Variants in SCN10A observed in about 807,000 individuals in gnomAD.
The protein encoded by SCN10A is sodium channel protein type 10 subunit alpha.
A neutral mutation model predicts 170.7 loss-of-function variants in SCN10A; 162 were observed. The ratio of observed to expected loss-of-function variants is 0.95; its 90% CI spans 0.84 to 1.08. The LOEUF is 1.08. Among genes scored for constraint, SCN10A ranks in the 50% least tolerant of loss-of-function variants. SCN10A has a pLI of 0.00. For synonymous variants in SCN10A, 985 were observed against 904.6 expected (o/e 1.09, Z -1.59); for missense variants, 2,527 against 2,436.9 (o/e 1.04, Z -0.78).
At position 38,707,278 on chromosome 3, in the gene SCN10A, C is replaced by G. The variant is rs767087921; in HGVS notation, c.4386+1G>C. On this transcript the variant is annotated splice_donor_variant, in intron 26 of 27. Transcript: ENST00000449082. LOFTEE classifies it high-confidence loss of function. ...TGCTAGAGGAAACCTCTGGGGCTCA[C>G]CAGGGGCCGTGGGATGGGCTTCTGG... The G allele has an allele frequency of 1.2e-5, 19 of 1,613,772 alleles. No homozygotes were observed. The highest frequency in any genetic ancestry group is 1.7e-5 in the Admixed American group (1 of 60,016).
intron 5 of SCN10A, among the ~76,000 whole-genome samples, chr3:38,767,616 T>C (rs975406261): frequency 6.6e-6 from 1 of 152,152 alleles, no homozygotes; most frequent in African/African-American, 2.4e-5. Context: ...CTGACATAAT[T>C]TCTATTTTCT....
At chr3:38,728,511 G>A (rs746970730) in intron 16 of SCN10A, 31 bp downstream of exon 16, 29 of 1,527,868 alleles carry the variant, frequency 1.9e-5, no homozygotes, top group Non-Finnish European at 2.5e-5. Context: ...TTCCCCAGGA[G>A]ACAGTGCCCC....
Position 38,792,131 on chromosome 3 carries a change from C to T in SCN10A, c.308G>A (p.Arg103Gln), listed in dbSNP as rs199973777. Residue 103 changes from arginine to glutamine, a missense_variant, in exon 3 of 28, where the codon CGG becomes CAG. Arg to Gln is a conservative substitution (Grantham distance 43). Transcript: ENST00000449082. Reference sequence around the variant, plus strand: ...CCACAGGGCCCGAGTGGCACTAAACCGGGAAATGGTCCTCCCTTTGTTCAG... The same window carrying T: ...CCACAGGGCCCGAGTGGCACTAAACTGGGAAATGGTCCTCCCTTTGTTCAG... ...MVLNKGRTISRFSATRALWLF... is the reference protein window; with the variant it reads ...MVLNKGRTISQFSATRALWLF... 1.7e-4 allele frequency: 269 copies of T among 1,613,826 alleles called. 2 individuals are homozygous for T. Among genetic ancestry groups the T allele is most frequent in the Admixed American group, 7.7e-4 (46 of 60,006 alleles).
intron 12 of SCN10A, among the ~76,000 whole-genome samples, chr3:38,751,161 C>G (rs540986538): frequency 6.6e-6 from 1 of 152,316 alleles, no homozygotes; most frequent in South Asian, 2.1e-4. Context: ...TGTGCTATGG[C>G]TGAGTAGCAG....
intron 26 of SCN10A, among the ~76,000 whole-genome samples, chr3:38,705,867 G>C (rs1247792461): frequency 6.6e-6 from 1 of 152,056 alleles, no homozygotes; most frequent in Admixed American, 6.6e-5. Flanking sequence ...TAAGTCTTAG[G>C]GTCCTCCTCT....
Position 38,789,056 on chromosome 3 carries a change from GA to G in SCN10A, c.390-21del. The G allele has an allele frequency of 7.0e-7, 1 of 1,428,228 alleles. No homozygotes were observed. The highest frequency in any genetic ancestry group is 9.9e-7 in the Non-Finnish European group (1 of 1,011,300). 88.5% of individuals were successfully genotyped at this position (1,428,228 alleles called of 1,614,324 possible). On this transcript the variant is annotated intron_variant, in intron 3 of 27. Transcript: ENST00000449082. The stretch of plus-strand genomic sequence containing the variant: ...AACCACCTGAAAGGCCTGTGTTAAG[GA>G]AAAGCTGAGATCACCAAGTCTCTGT...
At chr3:38,738,787 T>C (rs2063597848) in intron 15 of SCN10A, among the ~76,000 whole-genome samples, 2 of 152,230 alleles carry the variant, frequency 1.3e-5, no homozygotes, top group Non-Finnish European at 2.9e-5. Flanking sequence ...CAGGTTTGGC[T>C]GACAAACCTG....
At chr3:38,736,117 GA>G (rs1209734415) in intron 15 of SCN10A, among the ~76,000 whole-genome samples, 3 of 152,096 alleles carry the variant, frequency 2.0e-5, no homozygotes, top group Non-Finnish European at 4.4e-5. Flanking sequence ...CAGGCACAGC[GA>G]AAAAAACTTC....
At position 38,752,351 on chromosome 3, in the gene SCN10A, C is replaced by T. The variant is rs757470309; in HGVS notation, c.1623G>A (p.Gly541=). The change falls in exon 12 of 28, where the codon GGG becomes GGA. Residue 541 remains glycine, a synonymous_variant. Transcript: ENST00000449082. ...GGAGGGGGCCTTGCTGGCCAGCACC[C>T]CCACCCAGCAGCAGAGAGCCCCGAT... is the stretch of plus-strand genomic sequence containing the variant. The part of the protein sequence containing the change: ...ESHRGSLLLG[G]GAGQQGPLPR... The T allele has an allele frequency of 4.3e-6, 7 of 1,613,490 alleles. No individual in the cohort carries two copies. In the South Asian group the frequency reaches 6.6e-5, roughly 15 times the overall value.
chr3:38,741,644 T>C (rs563027295), intron 14 of SCN10A, among the ~76,000 whole-genome samples: 1 of 152,256 alleles, frequency 6.6e-6, no homozygotes, highest in East Asian at 1.9e-4. Context: ...TGAAATCCAG[T>C]ATGGATTGTA....
chr3:38,786,178 C>G (rs114202728), intron 4 of SCN10A, among the ~76,000 whole-genome samples: 3 of 151,966 alleles, frequency 2.0e-5, no homozygotes, highest in African/African-American at 7.3e-5. Flanking sequence ...TACAAGCATG[C>G]GTATGTTTAT....
At chr3:38,712,497 G>A in intron 22 of SCN10A, 52 bp from the exon 23 acceptor site, 1 of 1,570,674 alleles carries the variant, frequency 6.4e-7, no homozygotes, top group Non-Finnish European at 8.7e-7. Context: ...CACCCCCTCT[G>A]CTGGATTCTA....
Position 38,794,492 on chromosome 3 carries a change from C to T in SCN10A, c.-32-450G>A, listed in dbSNP as rs368783421. Among the ~76,000 whole-genome samples the T allele has an allele frequency of 3.7e-4, 57 of 152,306 alleles. No individual in the cohort carries two copies. In the South Asian group the frequency reaches 0.01, roughly 27 times the overall value. On this transcript the variant is annotated intron_variant, in intron 1 of 27. Coordinates refer to ENST00000449082, the MANE Select transcript of SCN10A (RefSeq NM_006514.4). The stretch of plus-strand genomic sequence containing the variant: ...TATTGACATTGTCAACATTTCTCCA[C>T]CTGTTTGAATTTCATTTGGACCTCC...
chr3:38,698,330 G>C lies in SCN10A; in HGVS notation c.4890C>G (p.Pro1630=). The C allele has an allele frequency of 1.2e-6, 2 of 1,613,978 alleles. No homozygotes were observed. Among genetic ancestry groups the C allele is most frequent in the Non-Finnish European group, 1.7e-6 (2 of 1,179,888 alleles). The change falls in exon 28 of 28, where the codon CCC becomes CCG. Residue 1630 remains proline (P), a synonymous_variant. Coordinates refer to ENST00000449082, the MANE Select transcript of SCN10A (RefSeq NM_006514.4). The part of the protein sequence containing the change: ...IYSIFGMSSF[P]HVRWEAGIDD... ...CGATGCCAGCCTCCCACCTCACATG[G>C]GGAAAGCTGGACATACCGAAGATAG...
chr3:38,805,505 G>A (rs2064399818), intron 1 of SCN10A, among the ~76,000 whole-genome samples: 1 of 152,146 alleles, frequency 6.6e-6, no homozygotes, highest in Non-Finnish European at 1.5e-5. Flanking sequence ...CAAGATGTAA[G>A]CATTTCATAC....
At chr3:38,728,938 G>C (rs1163180914) in intron 15 of SCN10A, 37 bp from the exon 16 acceptor site, 1 of 1,565,270 alleles carries the variant, frequency 6.4e-7, no homozygotes, top group Non-Finnish European at 8.7e-7. Flanking sequence ...TTTGGTAGCT[G>C]TGCTCATTAC....
At chr3:38,752,608 C>A (rs761415711) in intron 11 of SCN10A, 96 bp from the exon 12 acceptor site, 51 of 1,034,066 alleles carry the variant, frequency 4.9e-5, no homozygotes, top group Non-Finnish European at 6.5e-5. Flanking sequence ...ATTTCCCTGC[C>A]CCTGTCTTTA....
chr3:38,797,418 C>G (rs968133415), intron 1 of SCN10A, among the ~76,000 whole-genome samples: 2 of 152,174 alleles, frequency 1.3e-5, no homozygotes, highest in African/African-American at 4.8e-5. Context: ...TTCCCTCACC[C>G]TCTTCCTCTC....
chr3:38,756,834 A>T lies in SCN10A; in HGVS notation c.1130T>A (p.Phe377Tyr). 1 of 1,614,206 alleles carries T rather than the reference A, an allele frequency of 6.2e-7. No individual in the cohort carries two copies. The highest frequency in any genetic ancestry group is 8.5e-7 in the Non-Finnish European group (1 of 1,180,044). ...RTSGKIYMIF[F>Y]VLVIFLGSFY... is the part of the protein sequence containing the mutation. ...AGATCCCAGGAAGATTACGAGCACA[A>T]AAAAGATCATATAGATTTTCCCAGA... Residue 377 changes from phenylalanine to tyrosine, a missense_variant, in exon 10 of 28, where the codon TTT (phenylalanine) becomes TAT (tyrosine). Transcript: ENST00000449082.
Sources: gnomAD v4.1 joint callset for allele counts (sites outside exome capture counted in the v4.1 genomes callset) on GRCh38, gnomAD v4.1.1 for gene constraint, MANE v1.5 for transcripts, NCBI Gene and HGNC (gene_info 2026-07-23, HGNC 2026-07-21) for gene names.